The following SLC4A8 variants were observed in gnomAD, a reference collection of about 807,000 sequenced individuals.
SLC4A8 encodes solute carrier family 4 member 8.
In SLC4A8, 40 loss-of-function variants were observed where a neutral mutation model predicts 125.0. That is an observed-to-expected ratio of 0.32 (90% CI 0.25 to 0.42). The LOEUF is 0.42. Among genes scored for constraint, SLC4A8 ranks in the 10% least tolerant of loss-of-function variants. SLC4A8 has a pLI of 1.00. For missense variants in SLC4A8, 863 were observed against 1,355.1 expected (o/e 0.64, Z 5.70); for synonymous variants, 456 against 476.0 (o/e 0.96, Z 0.55).
chr12:51,482,687 T>C (rs1402014684), intron 16 of SLC4A8, among the ~76,000 whole-genome samples: 4 of 152,148 alleles, frequency 2.6e-5, no homozygotes, highest in Non-Finnish European at 1.5e-5. Flanking sequence ...GCCTGGCTAA[T>C]GTAATTCTAT....
chr12:51,407,385 A>G (rs1948507925), intron 1 of SLC4A8, among the ~76,000 whole-genome samples: 1 of 152,034 alleles, frequency 6.6e-6, no homozygotes, highest in Non-Finnish European at 1.5e-5. Context: ...CCTCCCAAGT[A>G]GCTGGCACTA....
At chr12:51,506,459 C>T (rs138990760) in intron 24 of SLC4A8, among the ~76,000 whole-genome samples, 30 of 149,898 alleles carry the variant, frequency 2.0e-4, no homozygotes, top group African/African-American at 6.4e-4. Flanking sequence ...TTTTTTGAGA[C>T]GGTCAGTCTC....
At chr12:51,474,202 G>A in intron 14 of SLC4A8, 140 bp from the exon 15 acceptor site, 2 of 521,310 alleles carry the variant, frequency 3.8e-6, no homozygotes, top group South Asian at 3.6e-5. Context: ...GGCCTACAGA[G>A]GGGCCTCAGC....
chr12:51,452,002 T>A, intron 3 of SLC4A8, 122 bp from the exon 4 acceptor site: 1 of 912,816 alleles, frequency 1.1e-6, no homozygotes, highest in Non-Finnish European at 1.6e-6. Flanking sequence ...AATAAAGAAA[T>A]CTTTTTCTTC....
intron 1 of SLC4A8, among the ~76,000 whole-genome samples, chr12:51,433,547 C>T (rs1357178397): frequency 6.6e-6 from 1 of 152,086 alleles, no homozygotes. Flanking sequence ...ACACATATTC[C>T]CACAGATCCT....
At chr12:51,460,295 G>A (rs1429982218) in intron 8 of SLC4A8, among the ~76,000 whole-genome samples, 187 bp downstream of exon 8, 2 of 152,080 alleles carry the variant, frequency 1.3e-5, no homozygotes, top group Non-Finnish European at 2.9e-5. Flanking sequence ...GCTGAGGTGG[G>A]GGATTACTTG....
At chr12:51,490,963 A>C (rs1951299842) in intron 19 of SLC4A8, among the ~76,000 whole-genome samples, 1 of 152,230 alleles carries the variant, frequency 6.6e-6, no homozygotes, top group Non-Finnish European at 1.5e-5. Flanking sequence ...TAGCAGGGAC[A>C]GATAAAAACG....
intron 15 of SLC4A8, 106 bp downstream of exon 15, chr12:51,474,553 C>T (rs112197384): frequency 1.2e-5 from 17 of 1,466,542 alleles, no homozygotes; most frequent in African/African-American, 7.1e-5. Flanking sequence ...TGGCATTTAC[C>T]GAAATAAAGC....
chr12:51,499,238 CAT>C (rs1937731114), intron 22 of SLC4A8, among the ~76,000 whole-genome samples: 1 of 152,028 alleles, frequency 6.6e-6, no homozygotes, highest in Admixed American at 6.6e-5. Context: ...ATGTGAAAAA[CAT>C]AGGGAATATA....
upstream of SLC4A8, among the ~76,000 whole-genome samples, chr12:51,422,614 C>T (rs1010491243): frequency 6.6e-6 from 1 of 152,158 alleles, no homozygotes; most frequent in Non-Finnish European, 1.5e-5. Flanking sequence ...TCTGTCTTGG[C>T]CTCCCAAAGT....
chr12:51,461,097 G>A (rs1950311390), intron 8 of SLC4A8, 107 bp from the exon 9 acceptor site: 4 of 545,838 alleles, frequency 7.3e-6, no homozygotes, highest in Non-Finnish European at 1.3e-5. Flanking sequence ...AAGGTACAGT[G>A]ATGATTTATG....
At chr12:51,452,939 C>T (rs1950012813) in intron 4 of SLC4A8, among the ~76,000 whole-genome samples, 1 of 152,152 alleles carries the variant, frequency 6.6e-6, no homozygotes, top group South Asian at 2.1e-4. Flanking sequence ...ATGGCTTCAG[C>T]TCTCACTGAA....
At chr12:51,405,898 G>A (rs1592142223) in intron 1 of SLC4A8, among the ~76,000 whole-genome samples, 2 of 152,284 alleles carry the variant, frequency 1.3e-5, no homozygotes, top group South Asian at 4.1e-4. Flanking sequence ...TTGTTTTTCA[G>A]AAAAACAGAG....
intron 16 of SLC4A8, chr12:51,480,624 G>A: frequency 7.1e-6 from 7 of 985,310 alleles, no homozygotes; most frequent in Non-Finnish European, 8.4e-6. Flanking sequence ...GTCAAAATTT[G>A]TATTTTGTTC....
At position 51,493,758 on chromosome 12, in the gene SLC4A8, C is replaced by T; in HGVS notation, c.2755C>T (p.Leu919=). Residue 919 remains leucine (L), a synonymous_variant, in exon 20 of 25, where the codon CTA becomes TTA. Transcript: ENST00000453097. The part of the protein sequence containing the change: ...GVFLYMGVSS[L]QGIQFFDRLK... ...TTTCCTTTACATGGGAGTTTCTTCA[C>T]TACAGGGAATTCAGGTATTGTATGG... The T allele has an allele frequency of 2.5e-6, 4 of 1,602,918 alleles. No individual in the cohort carries two copies. The highest frequency in any genetic ancestry group is 2.6e-6 in the Non-Finnish European group (3 of 1,169,718).
At position 51,424,949 on chromosome 12, in the gene SLC4A8, G is replaced by A; in HGVS notation, c.-39G>A. 1 of 1,549,388 alleles carries A rather than the reference G, an allele frequency of 6.5e-7. No individual in the cohort carries two copies. The highest frequency in any genetic ancestry group is 8.7e-7 in the Non-Finnish European group (1 of 1,146,090). On this transcript the variant is annotated 5_prime_UTR_variant, in exon 1 of 25. It introduces an in-frame stop codon into an upstream open reading frame of the 5' UTR. Coordinates refer to ENST00000453097, the MANE Select transcript of SLC4A8 (RefSeq NM_001039960.3). ...CAGAGGGCGCGGGCTGCTGATGCTT[G>A]GCTTGGAGCCCGTGGGGGAGACCTA...
chr12:51,430,895 G>A (rs910457296), intron 1 of SLC4A8, among the ~76,000 whole-genome samples: 33 of 152,236 alleles, frequency 2.2e-4, no homozygotes, highest in African/African-American at 7.2e-4. Flanking sequence ...TATATGTATT[G>A]GTTTTCAATT....
upstream of SLC4A8, among the ~76,000 whole-genome samples, chr12:51,420,968 T>C (rs1175534103): frequency 6.6e-6 from 1 of 152,182 alleles, no homozygotes; most frequent in Non-Finnish European, 1.5e-5. Flanking sequence ...GTTGCAAGGA[T>C]GAAGTGAGGC....
At chr12:51,436,400 C>T (rs776892611) in intron 1 of SLC4A8, among the ~76,000 whole-genome samples, 1 of 152,078 alleles carries the variant, frequency 6.6e-6, no homozygotes, top group Non-Finnish European at 1.5e-5. Context: ...GGAATTTATA[C>T]CATCAATTTG....
Sources: allele counts gnomAD v4.1 joint callset (sites outside exome capture counted in the v4.1 genomes callset), GRCh38; gene constraint gnomAD v4.1.1; transcripts MANE v1.5; gene names NCBI Gene and HGNC (gene_info 2026-07-23, HGNC 2026-07-21).